The following ZNF410 variants were observed in gnomAD, a reference collection of about 807,000 sequenced individuals.
ZNF410 encodes the protein another partner for ARF 1.
In ZNF410, 18 loss-of-function variants were observed where a neutral mutation model predicts 54.8. The observed-to-expected ratio is 0.33, with a 90% confidence interval of 0.23 to 0.49. The LOEUF is 0.49. Ranked by LOEUF, ZNF410 falls within the 20% of genes least tolerant of loss-of-function variation. ZNF410 has a pLI of 0.99. For synonymous variants in ZNF410, 191 were observed against 207.3 expected, an observed-to-expected ratio of 0.92 and a Z score of 0.68; for missense variants, 405 against 569.6, an observed-to-expected ratio of 0.71 and a Z score of 2.94.
intron 7 of ZNF410, among the ~76,000 whole-genome samples, chr14:73,906,002 T>C (rs1264635527): frequency 4.9e-5 from 7 of 141,600 alleles, no homozygotes; most frequent in South Asian, 2.4e-4. Flanking sequence ...TATACACACA[T>C]ACTTTTTTTT....
At chr14:73,905,916 CAT>C (rs1027756224) in intron 7 of ZNF410, among the ~76,000 whole-genome samples, 4 of 148,048 alleles carry the variant, frequency 2.7e-5, no homozygotes, top group African/African-American at 7.5e-5. Flanking sequence ...TATACACATA[CAT>C]ATATATACAC....
At position 73,923,059 on chromosome 14, in the gene ZNF410, G is replaced by T. The variant is rs546713359; in HGVS notation, c.1271-336G>T. On this transcript the variant is annotated intron_variant, in intron 10 of 11. Transcript: ENST00000555044. ...CATATTCAGTTAGTAAGTGCTATTAGTATCATTGGCGACTGCTTTTAAGGG... is the reference window on the plus strand; with the variant it reads ...CATATTCAGTTAGTAAGTGCTATTATTATCATTGGCGACTGCTTTTAAGGG... Among the ~76,000 whole-genome samples, 18 of 152,250 alleles carry T rather than the reference G, an allele frequency of 1.2e-4. No individual in the cohort carries two copies. In the East Asian group the frequency reaches 1.3e-3, roughly 11 times the overall value.
intron 8 of ZNF410, among the ~76,000 whole-genome samples, chr14:73,912,584 C>G (rs565863786): frequency 6.6e-5 from 10 of 152,308 alleles, no homozygotes; most frequent in African/African-American, 1.9e-4. Context: ...TGGAATTCTT[C>G]TGTACTGTGC....
At chr14:73,920,486 A>G in intron 8 of ZNF410, 1 of 154,110 alleles carries the variant, frequency 6.5e-6, no homozygotes, top group Non-Finnish European at 1.4e-5. Context: ...GGGTAGGTAG[A>G]ATGGAGACGG....
intron 8 of ZNF410, chr14:73,916,566 CACA>C (rs1392778487): frequency 2.6e-5 from 4 of 152,200 alleles, no homozygotes; most frequent in Admixed American, 6.6e-5. Flanking sequence ...TGCTTTCTAA[CACA>C]ACAACAGTTC....
intron 11 of ZNF410, among the ~76,000 whole-genome samples, chr14:73,924,378 GC>G (rs1196103614): frequency 6.6e-6 from 1 of 152,138 alleles, no homozygotes; most frequent in African/African-American, 2.4e-5. Flanking sequence ...TCCTAACAGG[GC>G]ACGGACCAGT....
At chr14:73,894,255 C>A in intron 3 of ZNF410, 1 of 688,514 alleles carries the variant, frequency 1.5e-6, no homozygotes, top group Admixed American at 2.1e-5. Context: ...GGATGAACAT[C>A]AGCAGAGTGG....
At chr14:73,910,493 C>T (rs1302837574) in intron 8 of ZNF410, among the ~76,000 whole-genome samples, 1 of 152,032 alleles carries the variant, frequency 6.6e-6, no homozygotes, top group Non-Finnish European at 1.5e-5. Context: ...CCTGTAATCC[C>T]AACACTTTGG....
At chr14:73,923,573 A>C in intron 11 of ZNF410, 51 bp downstream of exon 11, 8 of 1,575,986 alleles carry the variant, frequency 5.1e-6, no homozygotes, top group African/African-American at 1.4e-5. Flanking sequence ...GTGGGGAATG[A>C]TTGAGAATTT....
chr14:73,907,900 A>G (rs559011622), intron 7 of ZNF410, among the ~76,000 whole-genome samples: 3 of 152,294 alleles, frequency 2.0e-5, no homozygotes, highest in East Asian at 3.9e-4. Context: ...TCTTGAAAAA[A>G]AAAAAAAAAA....
At chr14:73,898,871 G>C (rs774850355) in intron 5 of ZNF410, among the ~76,000 whole-genome samples, 9 of 152,154 alleles carry the variant, frequency 5.9e-5, no homozygotes. Context: ...TTGACGTCAC[G>C]TGGGAACTGA....
intron 11 of ZNF410, among the ~76,000 whole-genome samples, chr14:73,925,463 T>C (rs1330434977): frequency 4.0e-5 from 6 of 151,388 alleles, no homozygotes. Context: ...GGAGTCCCAC[T>C]GTCGCCCAGG....
intron 9 of ZNF410, 162 bp downstream of exon 9, chr14:73,921,267 G>C: frequency 1.3e-6 from 1 of 772,304 alleles, no homozygotes; most frequent in Non-Finnish European, 1.9e-6. Flanking sequence ...CTATACAGTA[G>C]AATCATCTGC....
intron 8 of ZNF410, among the ~76,000 whole-genome samples, chr14:73,915,126 G>A (rs117704116): frequency 0.012 from 1,796 of 150,916 alleles, 19 homozygotes; most frequent in Non-Finnish European, 0.021. Context: ...TCCAGGTGTG[G>A]TAGCTCATGA....
intron 8 of ZNF410, among the ~76,000 whole-genome samples, chr14:73,910,028 T>C (rs1456827226): frequency 6.6e-6 from 1 of 152,192 alleles, no homozygotes; most frequent in Non-Finnish European, 1.5e-5. Context: ...TGTGCAGATA[T>C]ATCTCATCCT....
intron 11 of ZNF410, among the ~76,000 whole-genome samples, chr14:73,930,730 G>C (rs548560951): frequency 6.6e-6 from 1 of 151,962 alleles, no homozygotes; most frequent in African/African-American, 2.4e-5. Context: ...AGCCTCCCAA[G>C]TAGCTAGGAC....
chr14:73,921,930 G>A, intron 9 of ZNF410, 136 bp from the exon 10 acceptor site: 1 of 927,848 alleles, frequency 1.1e-6, no homozygotes, highest in Non-Finnish European at 1.6e-6. Flanking sequence ...TCGAAAGTAG[G>A]TGAAATAGGG....
At chr14:73,918,922 T>C (rs1260087086) in intron 8 of ZNF410, among the ~76,000 whole-genome samples, 1 of 148,176 alleles carries the variant, frequency 6.7e-6, no homozygotes, top group East Asian at 2.0e-4. Flanking sequence ...ATGGTCTTGA[T>C]CTCCTGACCT....
chr14:73,918,793 G>T (rs1205265359), intron 8 of ZNF410, among the ~76,000 whole-genome samples: 1 of 142,154 alleles, frequency 7.0e-6, no homozygotes, highest in African/African-American at 2.6e-5. Flanking sequence ...CTGCCTCCTC[G>T]GTTCACGCCA....
Sources: gnomAD v4.1 joint callset for allele counts (sites outside exome capture counted in the v4.1 genomes callset) on GRCh38, gnomAD v4.1.1 for gene constraint, MANE v1.5 for transcripts, NCBI Gene and HGNC (gene_info 2026-07-23, HGNC 2026-07-21) for gene names.